The following AADACL2 variants were observed in gnomAD, a reference collection of about 807,000 sequenced individuals.
AADACL2 encodes the protein arylacetamide deacetylase like 2, also known as arylacetamide deacetylase-like 2.
Under a neutral mutation model 22.3 loss-of-function variants are expected in AADACL2, and 23 were observed. The ratio of observed to expected loss-of-function variants is 1.03; its 90% CI spans 0.74 to 1.46. AADACL2 has a LOEUF of 1.46. Ranked by LOEUF, AADACL2 falls within the 40% of genes most tolerant of loss-of-function variation. The pLI is 0.00. For synonymous variants in AADACL2, 177 were observed against 166.2 expected (o/e 1.07, Z -0.50); for missense variants, 472 against 482.9 (o/e 0.98, Z 0.21).
rs773379948 is a variant in AADACL2, at chr3:151,740,652, T to C, written c.145T>C (p.Cys49Arg). The change falls in exon 2 of 5, where the codon TGT (cysteine) becomes CGT (arginine). Residue 49 changes from cysteine to arginine, a missense_variant. Transcript: ENST00000356517. ...GTTTGTTTTGTTCTTACAGGCTATG[T>C]GTTTTGAAAATATGCGTATTATGAG... ...IAKTCTFTAM[C>R]FENMRIMRYE... is the part of the protein sequence containing the mutation. 4 of 1,603,854 alleles carry C rather than the reference T, an allele frequency of 2.5e-6. No homozygotes were observed. The highest frequency in any genetic ancestry group is 3.4e-6 in the Non-Finnish European group (4 of 1,173,208).
In AADACL2 at chr3:151,740,800, G is replaced by C. The variant is rs867420602; in HGVS notation, c.293G>C (p.Arg98Thr). Residue 98 changes from arginine (R) to threonine (T), a missense_variant, in exon 2 of 5, where the codon AGA becomes ACA. Arg to Thr is a moderately conservative substitution (Grantham distance 71). Coordinates refer to ENST00000356517, the MANE Select transcript of AADACL2 (RefSeq NM_207365.4). ...CCAGTACGATTGTACTTGCCAAAAAGAAAGTCAGAAACCCGAAGGCGAGCT... is the reference window on the plus strand; with the variant it reads ...CCAGTACGATTGTACTTGCCAAAAACAAAGTCAGAAACCCGAAGGCGAGCT... Reference protein sequence around the residue: ...DIPVRLYLPKRKSETRRRAVI... With the variant: ...DIPVRLYLPKTKSETRRRAVI... The C allele has an allele frequency of 4.3e-6, 7 of 1,613,858 alleles. No homozygotes were observed. Among genetic ancestry groups the C allele is most frequent in the African/African-American group, 1.3e-5 (1 of 74,916 alleles).
intron 1 of AADACL2, among the ~76,000 whole-genome samples, chr3:151,734,906 C>G (rs1046779724): frequency 1.3e-5 from 2 of 152,116 alleles, no homozygotes; most frequent in African/African-American, 4.8e-5. Context: ...CATTTTGAAA[C>G]CCATACTCTT....
At position 151,761,131 on chromosome 3, in the gene AADACL2, TTATATATGGTGAGATATA is replaced by T. The variant is rs1490276832; in HGVS notation, c.*3545_*3562del. ...TTTTTATATATGGTGAGATATATAT[TTATATATGGTGAGATATA>T]TATATATATGGTGAGATATATATTT... is the stretch of plus-strand genomic sequence containing the variant. On this transcript the variant is annotated 3_prime_UTR_variant, in exon 5 of 5. Coordinates refer to ENST00000356517, the MANE Select transcript of AADACL2 (RefSeq NM_207365.4). 0.042 allele frequency: 5,840 copies of T among 140,316 alleles called. 415 individuals are homozygous for T. Among genetic ancestry groups the T allele is most frequent in the African/African-American group, 0.14 (5,482 of 38,102 alleles). The allele number at this position is 140,316 out of a possible 1,614,324, so 8.7% of individuals were successfully genotyped here. A position where few individuals can be genotyped will look rare whatever the true frequency, so the allele number is the denominator to read the frequency against.
Position 151,734,088 on chromosome 3 carries a change from A to C in AADACL2, c.53A>C (p.His18Pro), listed in dbSNP as rs1051270038. The change falls in exon 1 of 5, where the codon CAT becomes CCT. Residue 18 changes from histidine (H) to proline (P), a missense_variant. Physicochemically the swap from His to Pro is moderately conservative, Grantham distance 77 (BLOSUM62 -2). Around this residue, in one of 3 missense-constraint regions of AADACL2, gnomAD observed 356 missense variants for 365.5 expected, o/e 0.97. Coordinates refer to ENST00000356517, the MANE Select transcript of AADACL2 (RefSeq NM_207365.4). ...CTGCTTTGTGTTCTTTTTGTCTCTC[A>C]TTTTTACACACCCATGCCAGACAAC... Reference protein sequence around the residue: ...LGLLCVLFVSHFYTPMPDNIE... With the variant: ...LGLLCVLFVSPFYTPMPDNIE... 5.0e-6 allele frequency: 8 copies of C among 1,613,378 alleles called. No individual in the cohort carries two copies. The highest frequency in any genetic ancestry group is 6.8e-6 in the Non-Finnish European group (8 of 1,179,780).
At position 151,733,993 on chromosome 3, in the gene AADACL2, A is replaced by G; in HGVS notation, c.-43A>G. On this transcript the variant is annotated 5_prime_UTR_variant, in exon 1 of 5. Transcript: ENST00000356517. ...AGTTACTATTCAGTGTTTGTGAAAAATTTTAATCTCAGTACTGTGAAGAAG... is the reference window on the plus strand; with the variant it reads ...AGTTACTATTCAGTGTTTGTGAAAAGTTTTAATCTCAGTACTGTGAAGAAG... 1 of 1,535,666 alleles carries G rather than the reference A, an allele frequency of 6.5e-7. No individual in the cohort carries two copies. The highest frequency in any genetic ancestry group is 8.8e-7 in the Non-Finnish European group (1 of 1,140,270).
In AADACL2 at chr3:151,757,369, A is replaced by G. The variant is rs1380236881; in HGVS notation, c.981A>G (p.Leu327=). The stretch of plus-strand genomic sequence containing the variant: ...CCTTGTTGGCCAATGATTCTCAGTT[A>G]CAGAATTTGCCACTAACCTATATTC... The part of the protein sequence containing the change: ...ALPLLANDSQ[L]QNLPLTYILT... The change falls in exon 5 of 5, where the codon TTA becomes TTG. Residue 327 remains leucine (L), a synonymous_variant. Coordinates refer to ENST00000356517, the MANE Select transcript of AADACL2 (RefSeq NM_207365.4). 4.3e-6 allele frequency: 7 copies of G among 1,613,672 alleles called. No homozygotes were observed. Among genetic ancestry groups the G allele is most frequent in the Non-Finnish European group, 5.9e-6 (7 of 1,179,712 alleles).
At chr3:151,742,692 A>C (rs1448082960) in intron 2 of AADACL2, among the ~76,000 whole-genome samples, 1 of 152,164 alleles carries the variant, frequency 6.6e-6, no homozygotes, top group Non-Finnish European at 1.5e-5. Context: ...AGGCAGCTCC[A>C]AACATCCTGT....
chr3:151,737,842 G>A (rs1412485323), intron 1 of AADACL2, among the ~76,000 whole-genome samples: 1 of 151,910 alleles, frequency 6.6e-6, no homozygotes, highest in Admixed American at 6.6e-5. Context: ...TTGAGCCTAT[G>A]TGTGTCTTTC....
At chr3:151,749,387 A>G (rs1172335623) in intron 4 of AADACL2, among the ~76,000 whole-genome samples, 1 of 152,120 alleles carries the variant, frequency 6.6e-6, no homozygotes. Context: ...TTGATTTTGT[A>G]TCCTGCAACT....
At chr3:151,748,552 A>C (rs190941547) in intron 4 of AADACL2, among the ~76,000 whole-genome samples, 1 of 152,202 alleles carries the variant, frequency 6.6e-6, no homozygotes. Flanking sequence ...GAATAGATTA[A>C]TGCCCTTCAG....
rs764173863 is a variant in AADACL2, at chr3:151,744,098, A to G, written c.367A>G (p.Arg123Gly). 47 of 1,613,434 alleles carry G rather than the reference A, an allele frequency of 2.9e-5. No homozygotes were observed. Among genetic ancestry groups the G allele is most frequent in the Non-Finnish European group, 3.6e-5 (42 of 1,179,664 alleles). The change falls in exon 3 of 5, where the codon AGG becomes GGG. Residue 123 changes from arginine to glycine, a missense_variant. This residue lies in a region of AADACL2 where 356 missense variants were observed against 365.5 expected (regional missense o/e 0.97). Coordinates refer to ENST00000356517, the MANE Select transcript of AADACL2 (RefSeq NM_207365.4). The stretch of plus-strand genomic sequence containing the variant: ...TGTTTATTTCTTCATTTCAGAACAG[A>G]GGGCTTTTGACTTCCTGAATAGATG... ...GGFCFGSSKQ[R>G]AFDFLNRWTA... is the part of the protein sequence containing the mutation.
intron 4 of AADACL2, among the ~76,000 whole-genome samples, chr3:151,756,205 C>T (rs1713897414): frequency 6.6e-6 from 1 of 152,116 alleles, no homozygotes; most frequent in Admixed American, 6.6e-5. Flanking sequence ...ATTAATTCAA[C>T]GTTATCTCCT....
intron 1 of AADACL2, among the ~76,000 whole-genome samples, 156 bp from the exon 2 acceptor site, chr3:151,740,490 G>C (rs925397173): frequency 6.6e-6 from 1 of 152,168 alleles, no homozygotes; most frequent in Non-Finnish European, 1.5e-5. Flanking sequence ...TATGCAATAA[G>C]ATCTTTACAG....
chr3:151,750,478 A>G (rs762226069), intron 4 of AADACL2, among the ~76,000 whole-genome samples: 1 of 151,862 alleles, frequency 6.6e-6, no homozygotes, highest in Non-Finnish European at 1.5e-5. Context: ...CTTATCTTTC[A>G]TGATCTTGCC....
At chr3:151,740,287 C>T (rs990332007) in intron 1 of AADACL2, among the ~76,000 whole-genome samples, 1 of 152,180 alleles carries the variant, frequency 6.6e-6, no homozygotes, top group Non-Finnish European at 1.5e-5. Context: ...GAAGCAATGC[C>T]CCACCCTGCT....
At chr3:151,746,411 C>T (rs1416562830) in intron 4 of AADACL2, among the ~76,000 whole-genome samples, 6 of 145,826 alleles carry the variant, frequency 4.1e-5, no homozygotes, top group African/African-American at 1.3e-4. Context: ...TTTTCAATGA[C>T]GAGAGACAGT....
At position 151,760,303 on chromosome 3, in the gene AADACL2, T is replaced by C. The variant is rs1714098513; in HGVS notation, c.*2709T>C. The stretch of plus-strand genomic sequence containing the variant: ...GCTATGTTATCCAGACATTGATTTG[T>C]ATTTACATCTCATCTTCCTTTCTAA... On this transcript the variant is annotated 3_prime_UTR_variant, in exon 5 of 5. Transcript: ENST00000356517. 1 of 152,178 alleles carries C rather than the reference T, an allele frequency of 6.6e-6. No individual in the cohort carries two copies. The highest frequency in any genetic ancestry group is 1.5e-5 in the Non-Finnish European group (1 of 68,020). 9.4% of individuals were successfully genotyped at this position (152,178 alleles called of 1,614,324 possible). A position where few individuals can be genotyped will look rare whatever the true frequency, so the allele number is the denominator to read the frequency against.
At chr3:151,742,327 C>T (rs1045258049) in intron 2 of AADACL2, among the ~76,000 whole-genome samples, 7 of 151,928 alleles carry the variant, frequency 4.6e-5, no homozygotes, top group African/African-American at 1.7e-4. Flanking sequence ...ATTCTACAGA[C>T]ACTATAACAA....
chr3:151,741,031 C>T (rs1713264651), intron 2 of AADACL2, among the ~76,000 whole-genome samples, 163 bp downstream of exon 2: 1 of 152,084 alleles, frequency 6.6e-6, no homozygotes, highest in Non-Finnish European at 1.5e-5. Context: ...AATAAAGAGA[C>T]ATAGACATAT....
Sources: gnomAD v4.1 joint callset for allele counts (sites outside exome capture counted in the v4.1 genomes callset) on GRCh38, gnomAD v4.1.1 for gene constraint, gnomAD v4.1.1 regional missense constraint, MANE v1.5 for transcripts, NCBI Gene and HGNC (gene_info 2026-07-23, HGNC 2026-07-21) for gene names.